The following SULF1 variants were observed in gnomAD, a reference collection of about 807,000 sequenced individuals.
SULF1 encodes sulfatase 1, also known as extracellular sulfatase Sulf-1.
In SULF1, 46 loss-of-function variants were observed where a neutral mutation model predicts 110.5. The ratio of observed to expected loss-of-function variants is 0.42; its 90% CI spans 0.33 to 0.53. The LOEUF is 0.53. Ranked by LOEUF, SULF1 falls within the 20% of genes least tolerant of loss-of-function variation. The pLI is 0.12. For missense variants in SULF1, 941 were observed against 1,094.2 expected, an observed-to-expected ratio of 0.86 and a Z score of 1.98; for synonymous variants, 371 against 387.1, an observed-to-expected ratio of 0.96 and a Z score of 0.49.
At chr8:69,634,550 C>T (rs995072712) in intron 19 of SULF1, among the ~76,000 whole-genome samples, 3 of 152,188 alleles carry the variant, frequency 2.0e-5, no homozygotes, top group African/African-American at 7.2e-5. Context: ...AGGTGGATCG[C>T]TTGAGCCCAG....
At chr8:69,504,660 A>G (rs973224854) in intron 3 of SULF1, among the ~76,000 whole-genome samples, 2 of 152,186 alleles carry the variant, frequency 1.3e-5, no homozygotes, top group Admixed American at 6.5e-5. Flanking sequence ...TGGATTCTGT[A>G]TGAGACCTGG....
At chr8:69,654,632 T>C (rs532439506) in intron 22 of SULF1, among the ~76,000 whole-genome samples, 11 of 152,256 alleles carry the variant, frequency 7.2e-5, no homozygotes, top group African/African-American at 2.2e-4. Flanking sequence ...AAAAAGAAAG[T>C]TGAAGTGCTG....
intron 22 of SULF1, among the ~76,000 whole-genome samples, chr8:69,654,897 A>T (rs1322851928): frequency 3.3e-5 from 5 of 152,232 alleles, no homozygotes; most frequent in African/African-American, 1.2e-4. Context: ...CGTCCATTTG[A>T]TGTGAGCTAT....
chr8:69,626,032 G>A (rs1809989372), intron 15 of SULF1: 1 of 152,218 alleles, frequency 6.6e-6, no homozygotes, highest in Non-Finnish European at 1.5e-5. Flanking sequence ...GTGTCGATTG[G>A]TGCATTCGCA....
At chr8:69,606,190 A>T (rs1586532928) in intron 13 of SULF1, among the ~76,000 whole-genome samples, 1 of 152,206 alleles carries the variant, frequency 6.6e-6, no homozygotes, top group South Asian at 2.1e-4. Flanking sequence ...GCATTTCCTC[A>T]TGCTTTCTTG....
chr8:69,638,348 A>G, intron 19 of SULF1, 154 bp from the exon 20 acceptor site: 7 of 854,072 alleles, frequency 8.2e-6, no homozygotes, highest in Non-Finnish European at 1.2e-5. Flanking sequence ...CTACGGGGGG[A>G]AAGGTATTAT....
intron 3 of SULF1, among the ~76,000 whole-genome samples, chr8:69,509,616 C>T (rs1034910880): frequency 3.9e-5 from 6 of 152,132 alleles, no homozygotes; most frequent in African/African-American, 1.4e-4. Flanking sequence ...TCCTGTTGGG[C>T]ACTAAAGTGA....
chr8:69,506,062 G>A (rs1007143845), intron 3 of SULF1, among the ~76,000 whole-genome samples: 1 of 152,114 alleles, frequency 6.6e-6, no homozygotes, highest in Non-Finnish European at 1.5e-5. Flanking sequence ...GAAACATGGA[G>A]AATGTACAAT....
chr8:69,600,325 A>G (rs1431066213), intron 8 of SULF1, among the ~76,000 whole-genome samples: 2 of 152,108 alleles, frequency 1.3e-5, no homozygotes, highest in Non-Finnish European at 2.9e-5. Context: ...TTTCTTACAC[A>G]TTTTATTCAG....
chr8:69,608,093 G>A (rs1402472235), intron 13 of SULF1, among the ~76,000 whole-genome samples: 1 of 152,236 alleles, frequency 6.6e-6, no homozygotes, highest in South Asian at 2.1e-4. Flanking sequence ...CAATGTGGGT[G>A]CATGAGGTAA....
chr8:69,617,930 C>T (rs1408756512), intron 13 of SULF1, among the ~76,000 whole-genome samples: 3 of 152,158 alleles, frequency 2.0e-5, no homozygotes, highest in Non-Finnish European at 4.4e-5. Flanking sequence ...ACCAATTACA[C>T]GCATCCCTCT....
At chr8:69,635,628 T>C (rs1433410533) in intron 19 of SULF1, among the ~76,000 whole-genome samples, 1 of 152,128 alleles carries the variant, frequency 6.6e-6, no homozygotes, top group Non-Finnish European at 1.5e-5. Context: ...GCCCAACACT[T>C]TGAGAGACCG....
chr8:69,502,812 C>T (rs1338311172), intron 3 of SULF1, among the ~76,000 whole-genome samples: 7 of 151,452 alleles, frequency 4.6e-5, no homozygotes, highest in Non-Finnish European at 8.8e-5. Context: ...CTCAGCCTCC[C>T]GATTAGCTGG....
intron 22 of SULF1, among the ~76,000 whole-genome samples, chr8:69,657,543 C>T (rs540771805): frequency 7.2e-5 from 11 of 152,372 alleles, no homozygotes; most frequent in African/African-American, 2.2e-4. Flanking sequence ...CCTCTTCTCT[C>T]TTCCATACTG....
At chr8:69,631,001 A>G (rs1426709131) in intron 19 of SULF1, among the ~76,000 whole-genome samples, 1 of 146,974 alleles carries the variant, frequency 6.8e-6, no homozygotes, top group Non-Finnish European at 1.5e-5. Context: ...CCGGTGTGTG[A>G]TGTTCCTCTT....
intron 13 of SULF1, among the ~76,000 whole-genome samples, chr8:69,613,988 C>A (rs572019346): frequency 1.3e-5 from 2 of 152,058 alleles, no homozygotes; most frequent in African/African-American, 4.8e-5. Context: ...AAATTAAGGT[C>A]TTTGAATCCC....
intron 19 of SULF1, among the ~76,000 whole-genome samples, chr8:69,634,941 G>A (rs982410085): frequency 3.3e-5 from 5 of 152,106 alleles, no homozygotes; most frequent in East Asian, 1.9e-4. Context: ...GATTACAGGC[G>A]CCTGCCACCA....
chr8:69,584,149 A>G (rs1433391182), intron 6 of SULF1, among the ~76,000 whole-genome samples: 3 of 152,216 alleles, frequency 2.0e-5, no homozygotes, highest in Admixed American at 2.0e-4. Flanking sequence ...AAGTAACCAG[A>G]GCAGGTCCTT....
At chr8:69,573,348 G>A (rs1219879377) in intron 5 of SULF1, among the ~76,000 whole-genome samples, 1 of 152,212 alleles carries the variant, frequency 6.6e-6, no homozygotes, top group Non-Finnish European at 1.5e-5. Context: ...CAGCAGTGAT[G>A]AATTGGGATA....
Sources: allele counts gnomAD v4.1 joint callset (sites outside exome capture counted in the v4.1 genomes callset), GRCh38; gene constraint gnomAD v4.1.1; transcripts MANE v1.5; gene names NCBI Gene and HGNC (gene_info 2026-07-23, HGNC 2026-07-21).